ZBTB20: variants seen among roughly 807,000 people sequenced by gnomAD.
The protein encoded by ZBTB20 is zinc finger and BTB domain-containing protein 20.
ZBTB20 carries 9 observed loss-of-function variants against 56.9 expected under a neutral mutation model. The observed-to-expected ratio is 0.16, with a 90% CI of 0.10 to 0.28. ZBTB20 has a LOEUF of 0.28. Among genes scored for constraint, ZBTB20 ranks in the 10% least tolerant of loss-of-function variants. The pLI is 1.00. For synonymous variants in ZBTB20, 417 were observed against 420.7 expected, an observed-to-expected ratio of 0.99 and a Z score of 0.11; for missense variants, 655 against 1,003.0, an observed-to-expected ratio of 0.65 and a Z score of 4.69.
intron 1 of ZBTB20, among the ~76,000 whole-genome samples, chr3:115,140,096 C>T (rs138635038): frequency 1.3e-5 from 2 of 151,852 alleles, no homozygotes; most frequent in Non-Finnish European, 2.9e-5. Context: ...TTGAAGGAAA[C>T]AAACTCAGAT....
chr3:114,665,960 C>T (rs758138282), intron 6 of ZBTB20, among the ~76,000 whole-genome samples: 4 of 151,928 alleles, frequency 2.6e-5, no homozygotes, highest in Non-Finnish European at 4.4e-5. Flanking sequence ...AGTTTTATTG[C>T]GTGCCTCCTC....
intron 2 of ZBTB20, among the ~76,000 whole-genome samples, chr3:114,982,616 A>G (rs188890678): frequency 1.9e-3 from 294 of 152,180 alleles, no homozygotes; most frequent in African/African-American, 6.9e-3. Flanking sequence ...ACTCCCTAAA[A>G]TAAATGCAAA....
At chr3:114,627,740 A>G (rs1318691537) in intron 6 of ZBTB20, among the ~76,000 whole-genome samples, 2 of 152,210 alleles carry the variant, frequency 1.3e-5, no homozygotes. Context: ...GACACAAAAT[A>G]TCTTATACAA....
At chr3:114,479,937 G>A (rs1041546135) in intron 7 of ZBTB20, among the ~76,000 whole-genome samples, 1 of 152,170 alleles carries the variant, frequency 6.6e-6, no homozygotes, top group African/African-American at 2.4e-5. Flanking sequence ...GTAACAACCC[G>A]CTCAGGGTTA....
At chr3:115,056,627 T>G (rs922209443) in intron 2 of ZBTB20, among the ~76,000 whole-genome samples, 4 of 152,152 alleles carry the variant, frequency 2.6e-5, no homozygotes. Context: ...CAAAAGTTAT[T>G]TTAAAAATAC....
intron 2 of ZBTB20, among the ~76,000 whole-genome samples, chr3:115,068,880 GAAAA>G (rs1009497435): frequency 1.4e-5 from 2 of 142,614 alleles, no homozygotes; most frequent in African/African-American, 5.1e-5. Flanking sequence ...TTGCTTGTTT[GAAAA>G]AAAAAAAAGT....
chr3:114,330,612 G>C lies in ZBTB20; in HGVS notation c.*8393C>G, dbSNP rs2079215126. On this transcript the variant is annotated 3_prime_UTR_variant, in exon 12 of 12. Transcript: ENST00000675478. ...CAGTTACAGACTTCTTTTGGATATAGAAAGACAATATACATTTTAAAAAGT... is the reference window on the plus strand; with the variant it reads ...CAGTTACAGACTTCTTTTGGATATACAAAGACAATATACATTTTAAAAAGT... 1 of 152,134 alleles carries C rather than the reference G, an allele frequency of 6.6e-6. No homozygotes were observed. The highest frequency in any genetic ancestry group is 1.5e-5 in the Non-Finnish European group (1 of 67,998). The allele number at this position is 152,134 out of a possible 1,614,324, so 9.4% of individuals were successfully genotyped here. A position where few individuals can be genotyped will look rare whatever the true frequency, so the allele number is the denominator to read the frequency against.
At chr3:114,539,903 C>CT (rs11288043) in intron 6 of ZBTB20, among the ~76,000 whole-genome samples, 4,604 of 143,464 alleles carry the variant, frequency 0.032, 145 homozygotes, top group African/African-American at 0.08. Flanking sequence ...TTCAACCCAC[C>CT]TTTTTTTTTT....
chr3:114,482,392 A>G (rs1420155289), intron 7 of ZBTB20, among the ~76,000 whole-genome samples: 1 of 152,168 alleles, frequency 6.6e-6, no homozygotes, highest in Non-Finnish European at 1.5e-5. Flanking sequence ...TGGCACTCCA[A>G]GGAAGGGGAG....
chr3:114,850,437 C>T (rs2107407614), intron 4 of ZBTB20, among the ~76,000 whole-genome samples: 1 of 152,240 alleles, frequency 6.6e-6, no homozygotes, highest in African/African-American at 2.4e-5. Context: ...ACATAGTAAT[C>T]CCTCACATTC....
intron 7 of ZBTB20, among the ~76,000 whole-genome samples, chr3:114,415,396 C>T (rs2088434698): frequency 1.3e-5 from 2 of 152,078 alleles, no homozygotes; most frequent in Admixed American, 1.3e-4. Flanking sequence ...CTGCTTCTGG[C>T]TCTTGATACA....
intron 2 of ZBTB20, among the ~76,000 whole-genome samples, chr3:115,016,826 T>C (rs2079982366): frequency 6.6e-6 from 1 of 151,296 alleles, no homozygotes; most frequent in South Asian, 2.1e-4. Context: ...ATTTTAAAAT[T>C]CAACATCCCT....
intron 4 of ZBTB20, among the ~76,000 whole-genome samples, chr3:114,840,252 C>G (rs556699959): frequency 3.3e-4 from 50 of 152,204 alleles, no homozygotes; most frequent in Non-Finnish European, 6.3e-4. Flanking sequence ...ATTCAGTACT[C>G]AATTAACCTG....
chr3:115,058,897 T>C (rs567919741), intron 2 of ZBTB20, among the ~76,000 whole-genome samples: 1 of 152,334 alleles, frequency 6.6e-6, no homozygotes, highest in South Asian at 2.1e-4. Context: ...GTGCTTCAGA[T>C]TGGATAGTTT....
chr3:114,968,343 T>G (rs572688431), intron 3 of ZBTB20, among the ~76,000 whole-genome samples: 3 of 152,194 alleles, frequency 2.0e-5, no homozygotes, highest in Non-Finnish European at 4.4e-5. Flanking sequence ...TACCTCAAAT[T>G]ATAACCTTAA....
intron 6 of ZBTB20, among the ~76,000 whole-genome samples, chr3:114,636,020 G>A (rs772603940): frequency 2.6e-5 from 4 of 152,028 alleles, no homozygotes; most frequent in Non-Finnish European, 4.4e-5. Context: ...AGAATTTTGA[G>A]AGAAACAAGA....
intron 6 of ZBTB20, among the ~76,000 whole-genome samples, chr3:114,561,894 T>C (rs926399635): frequency 1.3e-5 from 2 of 152,114 alleles, no homozygotes; most frequent in African/African-American, 4.8e-5. Context: ...AGTAGAAGAC[T>C]ATTTCATCTA....
chr3:115,112,979 T>C (rs947754312), intron 1 of ZBTB20, among the ~76,000 whole-genome samples: 1 of 152,206 alleles, frequency 6.6e-6, no homozygotes, highest in Non-Finnish European at 1.5e-5. Context: ...TTTTTAATAA[T>C]AGCCATTCTG....
intron 5 of ZBTB20, among the ~76,000 whole-genome samples, chr3:114,727,441 C>A (rs978132251): frequency 1.3e-5 from 2 of 152,198 alleles, no homozygotes; most frequent in Admixed American, 6.5e-5. Context: ...CAGTCAGAAG[C>A]AAGCAGGGGC....
Sources: gnomAD v4.1 joint callset for allele counts (sites outside exome capture counted in the v4.1 genomes callset) on GRCh38, gnomAD v4.1.1 for gene constraint, MANE v1.5 for transcripts, NCBI Gene and HGNC (gene_info 2026-07-23, HGNC 2026-07-21) for gene names.